ATPSCKMT: variants seen among roughly 807,000 people sequenced by gnomAD.
ATPSCKMT encodes the protein ATP synthase c subunit lysine N-methyltransferase.
In ATPSCKMT, 24 loss-of-function variants were observed where a neutral mutation model predicts 24.3. That is an observed-to-expected ratio of 0.99 (90% CI 0.71 to 1.39). The LOEUF is 1.39. ATPSCKMT is among the 40% of genes most tolerant of loss of function. The probability of loss-of-function intolerance (pLI) is 0.00; values close to 1 mark genes in which losing one functional copy is unlikely to be tolerated. For synonymous variants in ATPSCKMT, 95 were observed against 110.5 expected (o/e 0.86, Z 0.88); for missense variants, 311 against 298.4 (o/e 1.04, Z -0.31).
chr5:10,243,315 C>T (rs1229849529), intron 1 of ATPSCKMT, among the ~76,000 whole-genome samples: 1 of 152,110 alleles, frequency 6.6e-6, no homozygotes, highest in African/African-American at 2.4e-5. Context: ...GAAGCCCAGT[C>T]TCTACTAAAA....
At position 10,227,583 on chromosome 5, in the gene ATPSCKMT, C is replaced by A. The variant is rs1296572911; in HGVS notation, c.560G>T (p.Arg187Leu). 1.2e-6 allele frequency: 2 copies of A among 1,614,176 alleles called. No individual in the cohort carries two copies. Among genetic ancestry groups the A allele is most frequent in the Non-Finnish European group, 1.7e-6 (2 of 1,180,040 alleles). Residue 187 changes from arginine (R) to leucine (L), a missense_variant, in exon 5 of 5, where the codon CGG becomes CTG. Transcript: ENST00000511437. ...TGGAGTCCAATGTGGGAAAGGGAAC[C>A]GGCAAGCAATAACTCGTGCATCATC... ...LEDDARVIAC[R>L]FPFPHWTPDH... is the part of the protein sequence containing the mutation.
chr5:10,240,027 C>T (rs1468670196), intron 1 of ATPSCKMT, among the ~76,000 whole-genome samples: 1 of 150,996 alleles, frequency 6.6e-6, no homozygotes, highest in Non-Finnish European at 1.5e-5. Context: ...GACATCGAGA[C>T]CATCCTGGCT....
chr5:10,247,182 G>A (rs1200230504), intron 1 of ATPSCKMT, among the ~76,000 whole-genome samples: 1 of 152,192 alleles, frequency 6.6e-6, no homozygotes, highest in East Asian at 1.9e-4. Flanking sequence ...TCTATTTTCT[G>A]TCCCAGGTTT....
intron 4 of ATPSCKMT, among the ~76,000 whole-genome samples, chr5:10,229,330 G>C (rs1471761192): frequency 3.3e-5 from 5 of 152,222 alleles, no homozygotes; most frequent in Non-Finnish European, 5.9e-5. Context: ...ATCGGACCGA[G>C]TGGCCCTGGC....
chr5:10,237,900 T>A (rs2445870), intron 2 of ATPSCKMT, among the ~76,000 whole-genome samples: 4 of 151,910 alleles, frequency 2.6e-5, no homozygotes, highest in Non-Finnish European at 5.9e-5. Flanking sequence ...GCGTGCACCA[T>A]CATGCCTGGC....
chr5:10,240,434 AACAAGGAGCACAGT>A (rs1744585904), intron 1 of ATPSCKMT, among the ~76,000 whole-genome samples: 8 of 152,102 alleles, frequency 5.3e-5, no homozygotes, highest in Admixed American at 4.6e-4. Flanking sequence ...AAAATTGATT[AACAAGGAGCACAGT>A]ACAGGAGGTA....
chr5:10,229,453 T>C (rs1316303119), intron 4 of ATPSCKMT, among the ~76,000 whole-genome samples: 1 of 152,238 alleles, frequency 6.6e-6, no homozygotes, highest in Admixed American at 6.5e-5. Context: ...GAGGCCCTTC[T>C]GCTCTTGATG....
Position 10,227,555 on chromosome 5 carries a change from G to T in ATPSCKMT, c.588C>A (p.Asp196Glu). 1 of 1,614,202 alleles carries T rather than the reference G, an allele frequency of 6.2e-7. No homozygotes were observed. Among genetic ancestry groups the T allele is most frequent in the Non-Finnish European group, 8.5e-7 (1 of 1,180,038 alleles). Reference sequence around the variant, plus strand: ...TGTCTATCCCCTCCCCCGTGACGTGGTCTGGAGTCCAATGTGGGAAAGGGA... The same window carrying T: ...TGTCTATCCCCTCCCCCGTGACGTGTTCTGGAGTCCAATGTGGGAAAGGGA... ...CRFPFPHWTP[D>E]HVTGEGIDTV... The change falls in exon 5 of 5, where the codon GAC becomes GAA. Residue 196 changes from aspartate to glutamate, a missense_variant. Physicochemically the swap from Asp to Glu is conservative, Grantham distance 45. Transcript: ENST00000511437.
At chr5:10,249,650 G>C (rs1372573517) in intron 1 of ATPSCKMT, 3 of 755,382 alleles carry the variant, frequency 4.0e-6, no homozygotes, top group Non-Finnish European at 6.1e-6. Flanking sequence ...CTGGGGAAAC[G>C]CGCCCGCCGA....
chr5:10,231,113 G>A (rs960582692), intron 4 of ATPSCKMT, among the ~76,000 whole-genome samples: 4 of 152,052 alleles, frequency 2.6e-5, no homozygotes, highest in East Asian at 1.9e-4. Flanking sequence ...AACTCCAAGC[G>A]TGTGGCAGGA....
rs1199248169 is a variant in ATPSCKMT, at chr5:10,249,881, T to G, written c.-8A>C. On this transcript the variant is annotated 5_prime_UTR_variant, in exon 1 of 5. Transcript: ENST00000511437. ...ACCTCCTCCTCCCTCCATCGCGAGA[T>G]TTCCAACAGCGTTTTTAAAAAAAAA... is the stretch of plus-strand genomic sequence containing the variant. 3.1e-6 allele frequency: 4 copies of G among 1,306,872 alleles called. No individual in the cohort carries two copies. Among genetic ancestry groups the G allele is most frequent in the Non-Finnish European group, 2.0e-6 (2 of 1,013,058 alleles). The allele number at this position is 1,306,872 out of a possible 1,614,324, so 81.0% of individuals were successfully genotyped here. A position where few individuals can be genotyped will look rare whatever the true frequency, so the allele number is the denominator to read the frequency against.
chr5:10,249,808 CGCA>C, intron 1 of ATPSCKMT, 47 bp downstream of exon 1: 19 of 1,539,048 alleles, frequency 1.2e-5, no homozygotes, highest in African/African-American at 1.4e-5. Flanking sequence ...CCGGCCCGCC[CGCA>C]CCCCTTCTCA....
At chr5:10,241,330 T>C (rs918309324) in intron 1 of ATPSCKMT, among the ~76,000 whole-genome samples, 2 of 152,204 alleles carry the variant, frequency 1.3e-5, no homozygotes, top group African/African-American at 2.4e-5. Flanking sequence ...GGAATTAGAA[T>C]GTGGACATTC....
intron 1 of ATPSCKMT, among the ~76,000 whole-genome samples, chr5:10,241,963 A>T (rs776994170): frequency 9.2e-5 from 14 of 152,080 alleles, no homozygotes; most frequent in Non-Finnish European, 2.1e-4. Context: ...TCTTCGAAAA[A>T]TTTTTTTTAA....
At chr5:10,243,719 G>A (rs1013403383) in intron 1 of ATPSCKMT, among the ~76,000 whole-genome samples, 19 of 152,164 alleles carry the variant, frequency 1.2e-4, no homozygotes, top group Non-Finnish European at 2.8e-4. Flanking sequence ...AAGAGTTAGG[G>A]CCTTGCTCTA....
chr5:10,247,363 T>C (rs1240219688), intron 1 of ATPSCKMT, among the ~76,000 whole-genome samples: 5 of 152,228 alleles, frequency 3.3e-5, no homozygotes, highest in Non-Finnish European at 5.9e-5. Context: ...CTTTTTGCGA[T>C]GGGGTCTCAC....
Position 10,236,612 on chromosome 5 carries a change from T to C in ATPSCKMT, c.310A>G (p.Ile104Val), listed in dbSNP as rs1216648169. ...DIGSGDGRIV[I>V]AAAKKGFTAV... ...GTGAACCCTTTCTTCGCAGCCGCTA[T>C]GACCTGTGGAGAGAGGCAGGATTTA... Residue 104 changes from isoleucine (I) to valine (V), a missense_variant, in exon 3 of 5, where the codon ATA becomes GTA. By Grantham distance (29) the Ile-to-Val change is conservative. Coordinates refer to ENST00000511437, the MANE Select transcript of ATPSCKMT (RefSeq NM_199133.4). The C allele has an allele frequency of 1.2e-6, 2 of 1,613,502 alleles. No homozygotes were observed. The highest frequency in any genetic ancestry group is 2.7e-5 in the African/African-American group (2 of 74,910).
chr5:10,249,692 G>C lies in ATPSCKMT; in HGVS notation c.16+166C>G, dbSNP rs1335807125. On this transcript the variant is annotated intron_variant, in intron 1 of 4. Coordinates refer to ENST00000511437, the MANE Select transcript of ATPSCKMT (RefSeq NM_199133.4). ...TCGCCAGAACCGGCGCGGGCACCGCGCGGCGACCAGGAGCTCTGGTCACCG... is the reference window on the plus strand; with the variant it reads ...TCGCCAGAACCGGCGCGGGCACCGCCCGGCGACCAGGAGCTCTGGTCACCG... 83 of 1,131,092 alleles carry C rather than the reference G, an allele frequency of 7.3e-5. 1 individual carries two copies. The highest frequency in any genetic ancestry group is 9.7e-5 in the Non-Finnish European group (80 of 823,634). 70.1% of individuals were successfully genotyped at this position (1,131,092 alleles called of 1,614,324 possible).
At chr5:10,243,711 G>T (rs563059212) in intron 1 of ATPSCKMT, among the ~76,000 whole-genome samples, 2 of 152,230 alleles carry the variant, frequency 1.3e-5, no homozygotes, top group African/African-American at 4.8e-5. Flanking sequence ...GAACTGAAAA[G>T]AGTTAGGGCC....
Sources: gnomAD v4.1 joint callset for allele counts (sites outside exome capture counted in the v4.1 genomes callset) on GRCh38, gnomAD v4.1.1 for gene constraint, MANE v1.5 for transcripts, NCBI Gene and HGNC (gene_info 2026-07-23, HGNC 2026-07-21) for gene names.